P4HA1: variants seen among roughly 807,000 people sequenced by gnomAD.
The protein encoded by P4HA1 is prolyl 4-hydroxylase subunit alpha 1.
A neutral mutation model predicts 72.8 loss-of-function variants in P4HA1; 24 were observed. The ratio of observed to expected loss-of-function variants is 0.33; its 90% CI spans 0.24 to 0.46. The LOEUF is 0.46. P4HA1 is among the 20% of genes least tolerant of loss of function. The pLI is 1.00. For synonymous variants in P4HA1, 201 were observed against 218.8 expected, an observed-to-expected ratio of 0.92 and a Z score of 0.72; for missense variants, 446 against 640.6, an observed-to-expected ratio of 0.70 and a Z score of 3.28.
At chr10:73,073,224 T>C (rs1841609351) in intron 3 of P4HA1, among the ~76,000 whole-genome samples, 1 of 107,506 alleles carries the variant, frequency 9.3e-6, no homozygotes, top group South Asian at 3.7e-4. Context: ...CATATTCTTT[T>C]TTTTTTTTTT....
chr10:73,028,345 CAA>C (rs1554838677), intron 10 of P4HA1, among the ~76,000 whole-genome samples: 10 of 146,164 alleles, frequency 6.8e-5, no homozygotes, highest in Middle Eastern at 3.5e-3. Flanking sequence ...CACACACACA[CAA>C]AATACATTTT....
At chr10:73,062,504 T>A (rs956871876) in intron 5 of P4HA1, among the ~76,000 whole-genome samples, 1 of 152,188 alleles carries the variant, frequency 6.6e-6, no homozygotes, top group Non-Finnish European at 1.5e-5. Flanking sequence ...TAATATTGTA[T>A]TTGACCAGAA....
At chr10:73,071,757 T>C (rs894763277) in intron 4 of P4HA1, among the ~76,000 whole-genome samples, 13 of 151,602 alleles carry the variant, frequency 8.6e-5, no homozygotes, top group Non-Finnish European at 1.8e-4. Flanking sequence ...AAAATAAAAA[T>C]GATTACCCTC....
chr10:73,092,331 ATTTT>A (rs200490574), intron 1 of P4HA1, among the ~76,000 whole-genome samples: 127 of 142,682 alleles, frequency 8.9e-4, no homozygotes, highest in Non-Finnish European at 1.5e-3. Flanking sequence ...ATTGTAAATA[ATTTT>A]TTTTTCTTTT....
chr10:73,080,630 C>T (rs538658965), intron 1 of P4HA1, among the ~76,000 whole-genome samples: 7 of 152,156 alleles, frequency 4.6e-5, no homozygotes, highest in African/African-American at 1.7e-4. Flanking sequence ...GTTTTTTTAA[C>T]AATGGTTTCT....
intron 9 of P4HA1, among the ~76,000 whole-genome samples, chr10:73,032,618 G>A (rs1019745554): frequency 6.6e-5 from 10 of 152,164 alleles, no homozygotes; most frequent in Admixed American, 5.9e-4. Flanking sequence ...AGGCTAGTGC[G>A]TATGCTCTTC....
Position 73,017,689 on chromosome 10 carries a change from C to G in P4HA1, c.1249-790G>C, listed in dbSNP as rs570274391. Reference sequence around the variant, plus strand: ...TTAACACCAATTTAATTATTCCTGTCGAAGGGCCCTAACAACTTCAGTTGC... The same window carrying G: ...TTAACACCAATTTAATTATTCCTGTGGAAGGGCCCTAACAACTTCAGTTGC... On this transcript the variant is annotated intron_variant, in intron 10 of 14. Transcript: ENST00000394890. Among the ~76,000 whole-genome samples the G allele has an allele frequency of 2.6e-5, 4 of 152,250 alleles. No individual in the cohort carries two copies. In the South Asian group the frequency reaches 8.3e-4, roughly 32 times the overall value.
Position 73,027,332 on chromosome 10 carries a change from G to A in P4HA1, c.1248+2939C>T, listed in dbSNP as rs534050987. On this transcript the variant is annotated intron_variant, in intron 10 of 14. Coordinates refer to ENST00000394890, the MANE Select transcript of P4HA1 (RefSeq NM_001017962.3). Reference sequence around the variant, plus strand: ...ATGAAGCTGGAAACCATCATTCTCAGCAAACTCTCACAAGGACAGAAAACC... The same window carrying A: ...ATGAAGCTGGAAACCATCATTCTCAACAAACTCTCACAAGGACAGAAAACC... 2.9e-4 allele frequency among the ~76,000 whole-genome samples: 44 copies of A among 151,172 alleles called. 1 individual carries two copies. The highest frequency in any genetic ancestry group is 3.4e-3 in the Middle Eastern group (1 of 290).
At chr10:73,054,061 C>T (rs1564630015) in intron 5 of P4HA1, among the ~76,000 whole-genome samples, 1 of 152,194 alleles carries the variant, frequency 6.6e-6, no homozygotes, top group Admixed American at 6.5e-5. Flanking sequence ...GGATTATAGG[C>T]ATGTGCCACC....
chr10:73,055,803 T>C (rs1841130951), intron 5 of P4HA1, among the ~76,000 whole-genome samples: 1 of 152,208 alleles, frequency 6.6e-6, no homozygotes, highest in African/African-American at 2.4e-5. Flanking sequence ...AATAATGGCC[T>C]AGATTTATTG....
chr10:73,035,296 G>A (rs1256334756), intron 9 of P4HA1, among the ~76,000 whole-genome samples: 1 of 151,688 alleles, frequency 6.6e-6, no homozygotes, highest in East Asian at 1.9e-4. Context: ...TGGGAGGATC[G>A]TTTGGGGATA....
chr10:73,078,526 C>T (rs1025220741), intron 1 of P4HA1, among the ~76,000 whole-genome samples: 2 of 149,544 alleles, frequency 1.3e-5, no homozygotes, highest in Non-Finnish European at 3.0e-5. Context: ...ATAATACAGT[C>T]ATAACTATGC....
chr10:73,047,884 C>T (rs913338474), intron 7 of P4HA1, among the ~76,000 whole-genome samples: 1 of 152,040 alleles, frequency 6.6e-6, no homozygotes, highest in Admixed American at 6.6e-5. Context: ...AATCTCGTCT[C>T]TACAAAAAAT....
intron 10 of P4HA1, among the ~76,000 whole-genome samples, chr10:73,017,884 T>A (rs1430424522): frequency 6.6e-6 from 1 of 152,100 alleles, no homozygotes; most frequent in East Asian, 1.9e-4. Flanking sequence ...CACAACACAA[T>A]AAAATGCTGA....
chr10:73,030,393 T>C, intron 9 of P4HA1, 23 bp from the exon 10 acceptor site: 1 of 1,286,792 alleles, frequency 7.8e-7, no homozygotes, highest in Non-Finnish European at 1.1e-6. Context: ...GGAATATTAG[T>C]TTTATTGATA....
chr10:73,033,268 C>A (rs1840482617), intron 9 of P4HA1, among the ~76,000 whole-genome samples: 1 of 152,184 alleles, frequency 6.6e-6, no homozygotes, highest in Non-Finnish European at 1.5e-5. Context: ...ACAAACTGTT[C>A]CTATTCCATC....
At chr10:73,045,546 T>C (rs1468352279) in intron 8 of P4HA1, among the ~76,000 whole-genome samples, 2 of 150,234 alleles carry the variant, frequency 1.3e-5, no homozygotes, top group African/African-American at 2.5e-5. Context: ...CCCTTCAAGA[T>C]AGCCACTCTC....
rs1210493825 is a variant in P4HA1, at chr10:73,037,558, TATA to T, written c.1149-7191_1149-7189del. 1.7e-3 allele frequency among the ~76,000 whole-genome samples: 65 copies of T among 37,228 alleles called. 3 individuals are homozygous for T. Among genetic ancestry groups the T allele is most frequent in the African/African-American group, 3.4e-3 (29 of 8,498 alleles). The allele number at this position is 37,228 out of a possible 152,430, so 24.4% of individuals were successfully genotyped here. On this transcript the variant is annotated intron_variant, in intron 9 of 14. Coordinates refer to ENST00000394890, the MANE Select transcript of P4HA1 (RefSeq NM_001017962.3). ...ATATATATATATATATATATATATA[TATA>T]TATATATATATTTTTTTTTTTTTTT...
chr10:73,050,359 T>C (rs1589603582), intron 7 of P4HA1, among the ~76,000 whole-genome samples: 1 of 152,062 alleles, frequency 6.6e-6, no homozygotes, highest in African/African-American at 2.4e-5. Context: ...TTGGAACATA[T>C]TAAATGTGGC....
Sources: allele counts gnomAD v4.1 joint callset (sites outside exome capture counted in the v4.1 genomes callset), GRCh38; gene constraint gnomAD v4.1.1; transcripts MANE v1.5; gene names NCBI Gene and HGNC (gene_info 2026-07-23, HGNC 2026-07-21).